CHRM2: variants seen among roughly 807,000 people sequenced by gnomAD.
The protein encoded by CHRM2 is cholinergic receptor muscarinic 2.
Under a neutral mutation model 25.0 loss-of-function variants are expected in CHRM2, and 8 were observed. The observed-to-expected ratio is 0.32, with a 90% CI of 0.19 to 0.58. CHRM2 has a LOEUF of 0.58. Among genes scored for constraint, CHRM2 ranks in the 20% least tolerant of loss-of-function variants. CHRM2 has a pLI of 0.88. For synonymous variants in CHRM2, 202 were observed against 205.7 expected (o/e 0.98, Z 0.15); for missense variants, 440 against 567.1 (o/e 0.78, Z 2.28).
chr7:136,997,690 C>T (rs1803695848), intron 3 of CHRM2, among the ~76,000 whole-genome samples: 1 of 152,136 alleles, frequency 6.6e-6, no homozygotes. Context: ...CTTGTCTGAT[C>T]TTTGGAATTT....
intron 2 of CHRM2, among the ~76,000 whole-genome samples, chr7:136,982,643 A>T (rs1802561353): frequency 6.6e-6 from 1 of 152,156 alleles, no homozygotes; most frequent in Non-Finnish European, 1.5e-5. Context: ...CCTGGGGGTG[A>T]CAAAATCCCT....
At chr7:136,900,092 A>G (rs576634464) in intron 2 of CHRM2, among the ~76,000 whole-genome samples, 1 of 152,202 alleles carries the variant, frequency 6.6e-6, no homozygotes, top group Admixed American at 6.5e-5. Flanking sequence ...CTAGTGAGCC[A>G]TGGTTTTGTT....
intron 2 of CHRM2, among the ~76,000 whole-genome samples, chr7:136,897,923 C>T (rs928516930): frequency 6.6e-6 from 1 of 152,090 alleles, no homozygotes; most frequent in African/African-American, 2.4e-5. Context: ...TCCAAATCAA[C>T]ATCTAATCTC....
At chr7:136,998,464 A>C (rs1803755704) in intron 3 of CHRM2, among the ~76,000 whole-genome samples, 1 of 152,138 alleles carries the variant, frequency 6.6e-6, no homozygotes, top group African/African-American at 2.4e-5. Flanking sequence ...GAGTGACATC[A>C]TCTCTGACCT....
At chr7:136,923,239 A>C (rs985300207) in intron 2 of CHRM2, among the ~76,000 whole-genome samples, 1 of 151,188 alleles carries the variant, frequency 6.6e-6, no homozygotes, top group East Asian at 1.9e-4. Context: ...ATTTAAAAAA[A>C]AATACAACTG....
chr7:136,991,552 A>G (rs1803231732), intron 2 of CHRM2, among the ~76,000 whole-genome samples: 1 of 152,110 alleles, frequency 6.6e-6, no homozygotes, highest in Non-Finnish European at 1.5e-5. Flanking sequence ...ACATATTTTT[A>G]CAATACATTG....
At chr7:136,939,107 G>T (rs900641828) in intron 2 of CHRM2, among the ~76,000 whole-genome samples, 3 of 151,968 alleles carry the variant, frequency 2.0e-5, no homozygotes, top group Non-Finnish European at 2.9e-5. Flanking sequence ...TGTTCCACTG[G>T]GCCATGCAGA....
At chr7:136,940,651 T>C (rs558720639) in intron 2 of CHRM2, among the ~76,000 whole-genome samples, 3 of 152,174 alleles carry the variant, frequency 2.0e-5, no homozygotes, top group Non-Finnish European at 4.4e-5. Flanking sequence ...ACAAGGTAAG[T>C]AGGATGCATA....
intron 2 of CHRM2, among the ~76,000 whole-genome samples, chr7:136,874,220 G>T (rs1194788521): frequency 6.6e-6 from 1 of 152,078 alleles, no homozygotes; most frequent in Admixed American, 6.5e-5. Context: ...CTTTTAATTA[G>T]TATTTATTAT....
chr7:136,883,983 C>T (rs1796363625), intron 2 of CHRM2, among the ~76,000 whole-genome samples: 1 of 152,066 alleles, frequency 6.6e-6, no homozygotes, highest in Non-Finnish European at 1.5e-5. Context: ...GTCATTTTTC[C>T]TACTGAATTG....
chr7:136,897,480 G>A (rs76800344), intron 2 of CHRM2, among the ~76,000 whole-genome samples: 2,992 of 152,142 alleles, frequency 0.02, 94 homozygotes, highest in African/African-American at 0.068. Context: ...AAAGTCCCTA[G>A]TGACAAACAG....
chr7:136,962,425 G>A (rs114856238), intron 2 of CHRM2, among the ~76,000 whole-genome samples: 2,703 of 152,254 alleles, frequency 0.018, 68 homozygotes, highest in African/African-American at 0.062. Context: ...GTAAGCCACT[G>A]CGCCCGGCCA....
Position 136,904,222 on chromosome 7 carries a change from C to T in CHRM2, c.-125+34804C>T, listed in dbSNP as rs147619822. 1.4e-3 allele frequency among the ~76,000 whole-genome samples: 214 copies of T among 151,868 alleles called. 1 individual carries two copies. In the Middle Eastern group the frequency reaches 0.038, roughly 27 times the overall value. On this transcript the variant is annotated intron_variant, in intron 2 of 3. Transcript: ENST00000680005. ...ATACTGTTGAAAATTTTACATAGAA[C>T]GATGATCAATTCTCTAAATGTTTGA... is the stretch of plus-strand genomic sequence containing the variant.
intron 2 of CHRM2, chr7:136,938,538 C>G: frequency 1.1e-6 from 1 of 929,064 alleles, no homozygotes; most frequent in Admixed American, 1.7e-5. Flanking sequence ...TTGACCGTGA[C>G]TGCAGTGATC....
intron 3 of CHRM2, among the ~76,000 whole-genome samples, chr7:136,999,250 T>A (rs1254758533): frequency 6.6e-6 from 1 of 152,100 alleles, no homozygotes; most frequent in Non-Finnish European, 1.5e-5. Flanking sequence ...AGCATCAGGA[T>A]AAACAGCTAA....
At chr7:136,909,691 T>C (rs996825680) in intron 2 of CHRM2, among the ~76,000 whole-genome samples, 1 of 151,942 alleles carries the variant, frequency 6.6e-6, no homozygotes, top group Non-Finnish European at 1.5e-5. Flanking sequence ...ACTTCAAGCA[T>C]GTTTATATAG....
intron 2 of CHRM2, among the ~76,000 whole-genome samples, chr7:136,918,662 G>A (rs1798255944): frequency 6.6e-6 from 1 of 152,058 alleles, no homozygotes; most frequent in African/African-American, 2.4e-5. Context: ...CTGGGCTCAA[G>A]TGATCCTCCC....
intron 2 of CHRM2, among the ~76,000 whole-genome samples, chr7:136,990,326 T>C (rs910980510): frequency 1.3e-5 from 2 of 152,140 alleles, no homozygotes; most frequent in Admixed American, 6.6e-5. Context: ...TTATATTATA[T>C]GGTGTTTTTT....
intron 2 of CHRM2, among the ~76,000 whole-genome samples, chr7:136,890,984 C>T (rs369071876): frequency 3.3e-5 from 5 of 152,098 alleles, no homozygotes; most frequent in African/African-American, 4.8e-5. Flanking sequence ...ACCTTATAAA[C>T]GATCCACTAA....
Sources: allele counts gnomAD v4.1 joint callset (sites outside exome capture counted in the v4.1 genomes callset), GRCh38; gene constraint gnomAD v4.1.1; transcripts MANE v1.5; gene names NCBI Gene and HGNC (gene_info 2026-07-23, HGNC 2026-07-21).